Variants in ADAM18 observed in about 807,000 individuals in gnomAD.
ADAM18 encodes ADAM metallopeptidase domain 18.
Under a neutral mutation model 94.4 loss-of-function variants are expected in ADAM18, and 117 were observed. The observed-to-expected ratio is 1.24, with a 90% CI of 1.07 to 1.45. ADAM18 has a LOEUF of 1.45. Among genes scored for constraint, ADAM18 ranks in the 40% most tolerant of loss-of-function variants. The probability of loss-of-function intolerance (pLI) is 0.00; values close to 1 mark genes in which losing one functional copy is unlikely to be tolerated. For synonymous variants in ADAM18, 327 were observed against 291.6 expected, an observed-to-expected ratio of 1.12 and a Z score of -1.24; for missense variants, 936 against 880.0, an observed-to-expected ratio of 1.06 and a Z score of -0.81.
intron 2 of ADAM18, among the ~76,000 whole-genome samples, chr8:39,597,245 A>G (rs1818769809): frequency 6.6e-6 from 1 of 152,118 alleles, no homozygotes; most frequent in African/African-American, 2.4e-5. Context: ...TATACTTGAC[A>G]GTGTCTTTCA....
At chr8:39,713,276 C>T (rs895418976) in intron 18 of ADAM18, among the ~76,000 whole-genome samples, 2 of 152,040 alleles carry the variant, frequency 1.3e-5, no homozygotes, top group Non-Finnish European at 2.9e-5. Flanking sequence ...TTACACCTTA[C>T]ACAAAAATTA....
chr8:39,640,900 A>C (rs976911050), intron 10 of ADAM18, among the ~76,000 whole-genome samples: 4 of 149,438 alleles, frequency 2.7e-5, no homozygotes, highest in African/African-American at 9.9e-5. Context: ...TTTATGTTCC[A>C]TGTAGATGCT....
chr8:39,686,214 TG>T (rs1293366483), intron 16 of ADAM18, among the ~76,000 whole-genome samples: 2 of 152,202 alleles, frequency 1.3e-5, no homozygotes, highest in African/African-American at 2.4e-5. Context: ...GTATTTTTTA[TG>T]GCAACATTCC....
At chr8:39,721,962 A>G (rs2129581801) in intron 18 of ADAM18, among the ~76,000 whole-genome samples, 1 of 151,208 alleles carries the variant, frequency 6.6e-6, no homozygotes, top group African/African-American at 2.4e-5. Context: ...AACTAGTCAC[A>G]ATAACAAAGT....
chr8:39,669,527 A>C (rs1821094589), intron 14 of ADAM18, among the ~76,000 whole-genome samples: 1 of 124,624 alleles, frequency 8.0e-6, no homozygotes, highest in African/African-American at 3.1e-5. Context: ...ATGTGTTCTC[A>C]TTGTTCAATT....
chr8:39,700,232 C>T (rs1400820125), intron 17 of ADAM18, among the ~76,000 whole-genome samples: 1 of 151,946 alleles, frequency 6.6e-6, no homozygotes. Flanking sequence ...AATTTATCAA[C>T]AAATAAAAAA....
intron 18 of ADAM18, among the ~76,000 whole-genome samples, chr8:39,708,175 C>T (rs1822292805): frequency 6.6e-6 from 1 of 152,150 alleles, no homozygotes; most frequent in African/African-American, 2.4e-5. Flanking sequence ...TTAATATTTT[C>T]AGACAGTGGT....
At chr8:39,678,663 G>A (rs2129580502) in intron 15 of ADAM18, among the ~76,000 whole-genome samples, 1 of 152,220 alleles carries the variant, frequency 6.6e-6, no homozygotes, top group Non-Finnish European at 1.5e-5. Flanking sequence ...TCTTCCTGAT[G>A]TCCAGAGGCA....
chr8:39,698,090 C>G (rs112280050), intron 17 of ADAM18, among the ~76,000 whole-genome samples: 4 of 151,574 alleles, frequency 2.6e-5, no homozygotes, highest in African/African-American at 9.7e-5. Flanking sequence ...GTACTGTGTT[C>G]CAAATACATG....
intron 2 of ADAM18, among the ~76,000 whole-genome samples, chr8:39,601,394 C>T (rs1191652205): frequency 1.3e-5 from 2 of 152,220 alleles, no homozygotes; most frequent in Non-Finnish European, 1.5e-5. Context: ...GTTTTTCATG[C>T]ATTTTACAGC....
intron 19 of ADAM18, among the ~76,000 whole-genome samples, chr8:39,728,070 G>GA (rs751569145): frequency 9.2e-5 from 14 of 152,044 alleles, no homozygotes; most frequent in Non-Finnish European, 1.8e-4. Flanking sequence ...GAGCAAGCGA[G>GA]AGAGTCAGGT....
intron 11 of ADAM18, among the ~76,000 whole-genome samples, chr8:39,646,834 A>T (rs1480519732): frequency 6.6e-6 from 1 of 152,218 alleles, no homozygotes; most frequent in Non-Finnish European, 1.5e-5. Context: ...AATAAAAATT[A>T]ATGAAGCTTA....
chr8:39,693,374 C>G (rs1482478021), intron 17 of ADAM18, among the ~76,000 whole-genome samples: 1 of 151,112 alleles, frequency 6.6e-6, no homozygotes, highest in Non-Finnish European at 1.5e-5. Flanking sequence ...CAGTTATTAA[C>G]AAAGAAAATA....
chr8:39,594,880 T>C (rs1818693566), intron 2 of ADAM18, among the ~76,000 whole-genome samples: 1 of 151,288 alleles, frequency 6.6e-6, no homozygotes, highest in Admixed American at 6.6e-5. Context: ...TTTATGATTT[T>C]GTCAAATTTG....
In ADAM18 at chr8:39,706,866, C is replaced by CA; in HGVS notation, c.1980dup (p.Gly661ArgfsTer3). ...GATTGTAAATTCCAGTTTGGTTCCC[C>CA]AGGGGGTAGTATTGATGATGGAAAT... On this transcript the variant is annotated frameshift_variant, in exon 18 of 20. Transcript: ENST00000265707. LOFTEE classifies it high-confidence loss of function. The CA allele has an allele frequency of 6.2e-7, 1 of 1,609,380 alleles. No homozygotes were observed. The highest frequency in any genetic ancestry group is 8.5e-7 in the Non-Finnish European group (1 of 1,176,834).
chr8:39,721,642 C>T (rs1354570215), intron 18 of ADAM18, among the ~76,000 whole-genome samples: 1 of 151,002 alleles, frequency 6.6e-6, no homozygotes, highest in East Asian at 1.9e-4. Context: ...TCCAAGAGGC[C>T]AAAAAACATA....
chr8:39,662,503 TC>T (rs1800341461), intron 12 of ADAM18, among the ~76,000 whole-genome samples: 1 of 152,324 alleles, frequency 6.6e-6, no homozygotes, highest in South Asian at 2.1e-4. Context: ...TGAAACTAGA[TC>T]TCTGAGTAAA....
At chr8:39,658,299 CTTCGCAGGTG>C (rs1436122068) in intron 12 of ADAM18, among the ~76,000 whole-genome samples, 1 of 152,138 alleles carries the variant, frequency 6.6e-6, no homozygotes, top group East Asian at 1.9e-4. Context: ...GCAAAAGGAA[CTTCGCAGGTG>C]TGATTAAGTT....
intron 17 of ADAM18, among the ~76,000 whole-genome samples, chr8:39,697,728 T>G (rs1421135948): frequency 2.0e-5 from 3 of 151,776 alleles, no homozygotes; most frequent in Admixed American, 2.0e-4. Flanking sequence ...TGATAAGTGT[T>G]TTTTTGAATG....
Sources: gnomAD v4.1 joint callset for allele counts (sites outside exome capture counted in the v4.1 genomes callset) on GRCh38, gnomAD v4.1.1 for gene constraint, MANE v1.5 for transcripts, NCBI Gene and HGNC (gene_info 2026-07-23, HGNC 2026-07-21) for gene names.